The following ZNF618 variants were observed in gnomAD, a reference collection of about 807,000 sequenced individuals.
The protein encoded by ZNF618 is neural precursor cell expressed, developmentally down-regulated 10.
A neutral mutation model predicts 103.0 loss-of-function variants in ZNF618; 34 were observed. That is an observed-to-expected ratio of 0.33 (90% CI 0.25 to 0.44). The LOEUF (loss-of-function observed/expected upper bound fraction) is 0.44. Among genes scored for constraint, ZNF618 ranks in the 20% least tolerant of loss-of-function variants. The pLI is 1.00. For missense variants in ZNF618, 1,059 were observed against 1,295.4 expected (o/e 0.82, Z 2.80); for synonymous variants, 551 against 542.2 (o/e 1.02, Z -0.23).
chr9:114,035,509 G>A (rs1207822219), intron 12 of ZNF618, among the ~76,000 whole-genome samples: 11 of 152,186 alleles, frequency 7.2e-5, no homozygotes, highest in Non-Finnish European at 1.3e-4. Flanking sequence ...CACGGTCGTC[G>A]GGCAGCCTCA....
chr9:114,014,929 C>A (rs1842533923), intron 9 of ZNF618, among the ~76,000 whole-genome samples: 1 of 152,062 alleles, frequency 6.6e-6, no homozygotes, highest in African/African-American at 2.4e-5. Flanking sequence ...AGATTTTGAT[C>A]CCATGAGCTT....
intron 13 of ZNF618, among the ~76,000 whole-genome samples, chr9:114,039,138 C>T (rs1844895174): frequency 6.6e-6 from 1 of 152,160 alleles, no homozygotes; most frequent in Non-Finnish European, 1.5e-5. Context: ...CCTGTGCAGC[C>T]TCAGGTAGAC....
chr9:114,013,042 A>G (rs1220626510), intron 9 of ZNF618, among the ~76,000 whole-genome samples: 1 of 152,172 alleles, frequency 6.6e-6, no homozygotes, highest in Non-Finnish European at 1.5e-5. Context: ...TAGGTTACCT[A>G]TACATGAATT....
intron 2 of ZNF618, among the ~76,000 whole-genome samples, chr9:113,979,612 G>C (rs7857290): frequency 6.6e-6 from 1 of 152,232 alleles, no homozygotes; most frequent in East Asian, 1.9e-4. Flanking sequence ...TCACAGAAAA[G>C]TCTTGCCTGG....
intron 13 of ZNF618, among the ~76,000 whole-genome samples, chr9:114,045,891 A>G (rs1845609076): frequency 6.6e-6 from 1 of 151,842 alleles, no homozygotes; most frequent in African/African-American, 2.4e-5. Flanking sequence ...TCATTTACTT[A>G]GGTCTTATTT....
At position 113,969,178 on chromosome 9, in the gene ZNF618, C is replaced by T. The variant is rs1386967605; in HGVS notation, c.77+18C>T. 15 of 1,613,764 alleles carry T rather than the reference C, an allele frequency of 9.3e-6. No homozygotes were observed. The African/African-American group carries it at 9.3e-5, about 10-fold the overall frequency. On this transcript the variant is annotated intron_variant, in intron 2 of 14. Coordinates refer to ENST00000374126, the MANE Select transcript of ZNF618 (RefSeq NM_001318042.2). ...GCGAGCAGGTACACTCCCTCTCCCG[C>T]CCCCAGCTTGTCCACCCATCGACTC...
chr9:113,990,110 G>A (rs976932857), intron 3 of ZNF618, among the ~76,000 whole-genome samples: 1 of 152,154 alleles, frequency 6.6e-6, no homozygotes, highest in African/African-American at 2.4e-5. Flanking sequence ...CCTCTCCCAG[G>A]AATGCCTTCC....
chr9:113,993,425 A>G (rs1840265807), intron 3 of ZNF618, among the ~76,000 whole-genome samples: 1 of 152,216 alleles, frequency 6.6e-6, no homozygotes, highest in African/African-American at 2.4e-5. Context: ...CCTACTTGCC[A>G]TTCTTCTTGA....
intron 6 of ZNF618, among the ~76,000 whole-genome samples, chr9:114,004,123 C>T (rs1433755230): frequency 1.3e-5 from 2 of 152,208 alleles, no homozygotes; most frequent in Non-Finnish European, 2.9e-5. Flanking sequence ...GAAGAGATGG[C>T]GATGGCTGAA....
At chr9:114,023,702 T>A (rs1468883672) in intron 10 of ZNF618, among the ~76,000 whole-genome samples, 3 of 152,096 alleles carry the variant, frequency 2.0e-5, no homozygotes, top group Non-Finnish European at 4.4e-5. Flanking sequence ...ATTTCACATA[T>A]TTTTTTGAAG....
At chr9:113,981,838 T>C (rs950767595) in intron 2 of ZNF618, among the ~76,000 whole-genome samples, 6 of 152,224 alleles carry the variant, frequency 3.9e-5, no homozygotes, top group African/African-American at 1.4e-4. Flanking sequence ...CTGAGTTCTT[T>C]CTGTGGGCCA....
chr9:113,961,991 C>T lies in ZNF618; in HGVS notation c.34-7126C>T, dbSNP rs944291093. On this transcript the variant is annotated intron_variant, in intron 1 of 14. Coordinates refer to ENST00000374126, the MANE Select transcript of ZNF618 (RefSeq NM_001318042.2). ...GGGTGAGAAGATGTGTGAACCTTGG[C>T]CAAGCCACTGGCGGTGGTATGACCT... Among the ~76,000 whole-genome samples the T allele has an allele frequency of 4.6e-5, 7 of 152,162 alleles. No individual in the cohort carries two copies. The East Asian group carries it at 9.6e-4, about 21-fold the overall frequency.
intron 14 of ZNF618, 57 bp from the exon 15 acceptor site, chr9:114,048,594 C>T (rs1367871535): frequency 1.9e-6 from 3 of 1,541,102 alleles, no homozygotes; most frequent in African/African-American, 1.4e-5. Context: ...GCTACTGCCA[C>T]TCCAAGCAGC....
chr9:113,954,858 C>T (rs2900571), intron 1 of ZNF618, among the ~76,000 whole-genome samples: 1 of 151,944 alleles, frequency 6.6e-6, no homozygotes, highest in Non-Finnish European at 1.5e-5. Flanking sequence ...CCCATTCTCT[C>T]CCTCTGGTGG....
chr9:114,012,867 T>C (rs1842369439), intron 9 of ZNF618, among the ~76,000 whole-genome samples: 1 of 152,166 alleles, frequency 6.6e-6, no homozygotes, highest in East Asian at 1.9e-4. Context: ...GAAGAAAAAT[T>C]TGCTTAGCTA....
chr9:113,951,723 A>G (rs898061144), intron 1 of ZNF618, among the ~76,000 whole-genome samples: 1 of 151,836 alleles, frequency 6.6e-6, no homozygotes, highest in Non-Finnish European at 1.5e-5. Flanking sequence ...CTTTTCAGTT[A>G]TCATGACTTT....
At chr9:114,048,600 G>C in intron 14 of ZNF618, 51 bp from the exon 15 acceptor site, 1 of 1,551,990 alleles carries the variant, frequency 6.4e-7, no homozygotes. Flanking sequence ...GCCACTCCAA[G>C]CAGCCTTGAA....
chr9:113,958,104 A>T (rs1836491146), intron 1 of ZNF618, among the ~76,000 whole-genome samples: 1 of 152,196 alleles, frequency 6.6e-6, no homozygotes, highest in African/African-American at 2.4e-5. Flanking sequence ...AAACAAGCAG[A>T]GCAGCATTTA....
chr9:114,002,144 C>A (rs7849312), intron 5 of ZNF618, 71 bp downstream of exon 5: 1 of 1,444,504 alleles, frequency 6.9e-7, no homozygotes. Context: ...CCCACTTGGG[C>A]CCCTCGTGGG....
Sources: allele counts gnomAD v4.1 joint callset (sites outside exome capture counted in the v4.1 genomes callset), GRCh38; gene constraint gnomAD v4.1.1; transcripts MANE v1.5; gene names NCBI Gene and HGNC (gene_info 2026-07-23, HGNC 2026-07-21).